HCN1: variants seen among roughly 807,000 people sequenced by gnomAD.
The protein encoded by HCN1 is hyperpolarization activated cyclic nucleotide gated potassium channel 1.
In HCN1, 13 loss-of-function variants were observed where a neutral mutation model predicts 78.9. That is an observed-to-expected ratio of 0.16 (90% CI 0.11 to 0.26). The LOEUF (loss-of-function observed/expected upper bound fraction) is 0.26. Ranked by LOEUF, HCN1 falls within the 10% of genes least tolerant of loss-of-function variation. The pLI is 1.00. For synonymous variants in HCN1, 552 were observed against 455.5 expected, an observed-to-expected ratio of 1.21 and a Z score of -2.70; for missense variants, 810 against 1,154.3, an observed-to-expected ratio of 0.70 and a Z score of 4.32.
At chr5:45,272,239 A>C (rs991885460) in intron 6 of HCN1, among the ~76,000 whole-genome samples, 1 of 152,058 alleles carries the variant, frequency 6.6e-6, no homozygotes, top group Admixed American at 6.6e-5. Flanking sequence ...TGTATTTGCC[A>C]TATCTGTGTG....
chr5:45,491,566 C>A (rs1392606858), intron 2 of HCN1, among the ~76,000 whole-genome samples: 1 of 152,126 alleles, frequency 6.6e-6, no homozygotes, highest in African/African-American at 2.4e-5. Context: ...CCTCTTTGAA[C>A]TTTTTTGATT....
intron 1 of HCN1, 103 bp downstream of exon 1, chr5:45,695,566 C>A: frequency 1.7e-6 from 2 of 1,174,766 alleles, no homozygotes; most frequent in South Asian, 1.3e-5. Flanking sequence ...CGCCACCCCC[C>A]GCCCGCCCTC....
intron 2 of HCN1, among the ~76,000 whole-genome samples, chr5:45,580,940 T>C (rs1319790713): frequency 6.6e-6 from 1 of 152,200 alleles, no homozygotes; most frequent in Non-Finnish European, 1.5e-5. Flanking sequence ...TCTATCATTG[T>C]TGGACATTTG....
intron 5 of HCN1, among the ~76,000 whole-genome samples, chr5:45,325,687 C>T (rs976529901): frequency 6.6e-6 from 1 of 151,602 alleles, no homozygotes; most frequent in Non-Finnish European, 1.5e-5. Context: ...AGAAAATCAG[C>T]CCATACTAGC....
intron 2 of HCN1, among the ~76,000 whole-genome samples, chr5:45,495,485 T>C (rs1742005780): frequency 6.6e-6 from 1 of 151,540 alleles, no homozygotes; most frequent in Non-Finnish European, 1.5e-5. Flanking sequence ...GCTTATCAGC[T>C]TAAGGAGATT....
Position 45,372,636 on chromosome 5 carries a change from TTTATATAAAAATATATAAAA to T in HCN1, c.1231-19410_1231-19391del, listed in dbSNP as rs1334861563. The stretch of plus-strand genomic sequence containing the variant: ...TTTTATATAAAAATATATAAAACAT[TTTATATAAAAATATATAAAA>T]CATTTATATATAAAAATATAAAATA... On this transcript the variant is annotated intron_variant, in intron 4 of 7. Transcript: ENST00000303230. Among the ~76,000 whole-genome samples the T allele has an allele frequency of 2.7e-5, 3 of 112,978 alleles. 1 individual carries two copies. Among genetic ancestry groups the T allele is most frequent in the African/African-American group, 1.3e-4 (3 of 22,734 alleles). 74.1% of individuals were successfully genotyped at this position (112,978 alleles called of 152,430 possible). A position where few individuals can be genotyped will look rare whatever the true frequency, so the allele number is the denominator to read the frequency against.
chr5:45,635,379 T>C (rs1745338109), intron 2 of HCN1, among the ~76,000 whole-genome samples: 1 of 151,984 alleles, frequency 6.6e-6, no homozygotes, highest in Non-Finnish European at 1.5e-5. Flanking sequence ...AAATAATTAT[T>C]GTAAAAATTC....
chr5:45,458,221 G>A (rs898974711), intron 3 of HCN1, among the ~76,000 whole-genome samples: 5 of 151,784 alleles, frequency 3.3e-5, no homozygotes, highest in South Asian at 2.1e-4. Flanking sequence ...AAAAGTATGG[G>A]TATAAGTGCA....
chr5:45,444,358 T>A (rs1225663830), intron 3 of HCN1, among the ~76,000 whole-genome samples: 2 of 152,188 alleles, frequency 1.3e-5, no homozygotes, highest in Admixed American at 1.3e-4. Flanking sequence ...CAAAGAAGTA[T>A]CTACTAGTTA....
chr5:45,543,246 A>G (rs1311223811), intron 2 of HCN1, among the ~76,000 whole-genome samples: 1 of 152,138 alleles, frequency 6.6e-6, no homozygotes, highest in Non-Finnish European at 1.5e-5. Context: ...TGTACCAAGA[A>G]CCAAAGATTT....
intron 2 of HCN1, among the ~76,000 whole-genome samples, chr5:45,510,153 G>A (rs1226265950): frequency 6.6e-6 from 1 of 152,076 alleles, no homozygotes; most frequent in East Asian, 1.9e-4. Context: ...ATATCAGATG[G>A]AAAGTTTGTA....
chr5:45,509,535 G>A (rs1742369378), intron 2 of HCN1, among the ~76,000 whole-genome samples: 1 of 152,120 alleles, frequency 6.6e-6, no homozygotes, highest in Non-Finnish European at 1.5e-5. Context: ...TCCTCCAACA[G>A]TAGGAGCATC....
intron 2 of HCN1, among the ~76,000 whole-genome samples, chr5:45,570,178 C>T (rs1191868520): frequency 1.3e-5 from 2 of 151,990 alleles, no homozygotes; most frequent in African/African-American, 4.8e-5. Context: ...ATCTGATATT[C>T]TCTTTCTTCC....
chr5:45,341,797 A>G (rs954510877), intron 5 of HCN1, among the ~76,000 whole-genome samples: 1 of 152,180 alleles, frequency 6.6e-6, no homozygotes, highest in Admixed American at 6.5e-5. Context: ...ATTTTCAGAG[A>G]GTTAGCTAAA....
At chr5:45,393,707 T>C (rs971711486) in intron 4 of HCN1, among the ~76,000 whole-genome samples, 8 of 152,194 alleles carry the variant, frequency 5.3e-5, no homozygotes, top group Non-Finnish European at 7.4e-5. Context: ...TTTTTATATA[T>C]GCATAATACT....
At position 45,321,812 on chromosome 5, in the gene HCN1, T is replaced by C. The variant is rs528635004; in HGVS notation, c.1378-17973A>G. 2.6e-5 allele frequency among the ~76,000 whole-genome samples: 4 copies of C among 152,032 alleles called. No homozygotes were observed. The South Asian group carries it at 8.3e-4, about 31-fold the overall frequency. ...TTTAAAAATCTTGCATTTTATTGCA[T>C]ATGATTCAATTTTTGCTGTGCAAAG... On this transcript the variant is annotated intron_variant, in intron 5 of 7. Transcript: ENST00000303230.
intron 2 of HCN1, among the ~76,000 whole-genome samples, chr5:45,543,506 A>C (rs1418405885): frequency 6.6e-6 from 1 of 152,062 alleles, no homozygotes; most frequent in Non-Finnish European, 1.5e-5. Flanking sequence ...CTTGAAACCC[A>C]TAAACATTTA....
At chr5:45,280,987 A>G (rs547033049) in intron 6 of HCN1, among the ~76,000 whole-genome samples, 4 of 152,190 alleles carry the variant, frequency 2.6e-5, no homozygotes, top group African/African-American at 9.6e-5. Context: ...GATTTCTGCT[A>G]AAGAATCTGT....
chr5:45,506,697 G>C (rs1742308610), intron 2 of HCN1, among the ~76,000 whole-genome samples: 2 of 152,166 alleles, frequency 1.3e-5, no homozygotes, highest in Admixed American at 6.5e-5. Flanking sequence ...AGGCTTTAAA[G>C]CCTCTCCTTC....
Sources: gnomAD v4.1 joint callset for allele counts (sites outside exome capture counted in the v4.1 genomes callset) on GRCh38, gnomAD v4.1.1 for gene constraint, MANE v1.5 for transcripts, NCBI Gene and HGNC (gene_info 2026-07-23, HGNC 2026-07-21) for gene names.